The following ZNF445 variants were observed in gnomAD, a reference collection of about 807,000 sequenced individuals.
ZNF445 encodes the protein zinc finger protein 168.
ZNF445 carries 19 observed loss-of-function variants against 93.9 expected under a neutral mutation model. That is an observed-to-expected ratio of 0.20 (90% CI 0.14 to 0.30). The LOEUF (loss-of-function observed/expected upper bound fraction) is 0.30. ZNF445 is among the 10% of genes least tolerant of loss of function. The probability of loss-of-function intolerance (pLI) is 1.00; values close to 1 mark genes in which losing one functional copy is unlikely to be tolerated. For missense variants in ZNF445, 1,058 were observed against 1,259.4 expected (o/e 0.84, Z 2.42); for synonymous variants, 449 against 446.3 (o/e 1.01, Z -0.08).
chr3:44,454,201 AAAAG>A (rs1210312879), intron 3 of ZNF445, among the ~76,000 whole-genome samples: 28 of 148,822 alleles, frequency 1.9e-4, no homozygotes, highest in African/African-American at 6.5e-4. Context: ...CTCAAAAAAA[AAAAG>A]AAAAGAAAAG....
chr3:44,469,786 C>CA (rs764590662), intron 1 of ZNF445, among the ~76,000 whole-genome samples: 1 of 149,470 alleles, frequency 6.7e-6, no homozygotes, highest in Non-Finnish European at 1.5e-5. Context: ...AAAACAAAAA[C>CA]AAAACAAAAC....
intron 1 of ZNF445, among the ~76,000 whole-genome samples, chr3:44,476,151 AAATCTTGAAAATTGCAAAAT>A (rs1698348992): frequency 6.6e-6 from 1 of 152,192 alleles, no homozygotes; most frequent in Non-Finnish European, 1.5e-5. Context: ...TTCTAATACA[AAATCTTGAAAATTGCAAAAT>A]ACAGTGTTAT....
rs750830088 is a variant in ZNF445, at chr3:44,447,516, C to T, written c.2155G>A (p.Ala719Thr). 1 of 1,614,194 alleles carries T rather than the reference C, an allele frequency of 6.2e-7. No individual in the cohort carries two copies. The highest frequency in any genetic ancestry group is 8.5e-7 in the Non-Finnish European group (1 of 1,180,040). Residue 719 changes from alanine to threonine, a missense_variant, in exon 8 of 8, where the codon GCC becomes ACC. Physicochemically the swap from Ala to Thr is moderately conservative, Grantham distance 58. Around this residue, in one of 3 missense-constraint regions of ZNF445, gnomAD observed 387 missense variants for 475.7 expected, o/e 0.81. Coordinates refer to ENST00000396077, the MANE Select transcript of ZNF445 (RefSeq NM_181489.6). This position sits in a 1 kb window ranked among gnomAD's most constrained non-coding sequence, Gnocchi z 4.7. ...YQCSDCGKDF[A>T]YRSAFIVHKK... ...TGAACAATAAAGGCTGACCTATAGG[C>T]AAAGTCCTTCCCACAATCGCTACAC...
chr3:44,469,712 T>A (rs1698239663), intron 1 of ZNF445, among the ~76,000 whole-genome samples: 1 of 151,980 alleles, frequency 6.6e-6, no homozygotes, highest in African/African-American at 2.4e-5. Context: ...GAGGTTGCAG[T>A]GAGCCAAGAT....
At chr3:44,463,138 GA>G (rs1305145761) in intron 1 of ZNF445, among the ~76,000 whole-genome samples, 1 of 152,022 alleles carries the variant, frequency 6.6e-6, no homozygotes, top group Non-Finnish European at 1.5e-5. Flanking sequence ...CCAGGCTCAA[GA>G]GATTCTTCTG....
In ZNF445 at chr3:44,435,893, C is replaced by T. The variant is rs1404287726; in HGVS notation, c.*10682G>A. 2 of 152,206 alleles carry T rather than the reference C, an allele frequency of 1.3e-5. No homozygotes were observed. Among genetic ancestry groups the T allele is most frequent in the African/African-American group, 4.8e-5 (2 of 41,446 alleles). The allele number at this position is 152,206 out of a possible 1,614,324, so 9.4% of individuals were successfully genotyped here. A position where few individuals can be genotyped will look rare whatever the true frequency, so the allele number is the denominator to read the frequency against. ...TGGCATTTTGAGTCTCCTGTAATTA[C>T]TGCTAGTTCAGAACTAGAGGCTGGT... On this transcript the variant is annotated 3_prime_UTR_variant, in exon 8 of 8. Transcript: ENST00000396077.
intron 2 of ZNF445, among the ~76,000 whole-genome samples, chr3:44,458,012 C>CAAAAA (rs549514697): frequency 1.1e-5 from 1 of 94,044 alleles, no homozygotes; most frequent in African/African-American, 4.3e-5. Context: ...GACTCCGTCT[C>CAAAAA]AAAAAAAAAA....
chr3:44,462,683 GA>G (rs35028138), intron 1 of ZNF445, among the ~76,000 whole-genome samples: 2 of 144,768 alleles, frequency 1.4e-5, no homozygotes, highest in Non-Finnish European at 1.5e-5. Context: ...GAAAAAAAAA[GA>G]AAAAAAAAAG....
chr3:44,471,034 CAAAGA>C (rs1418369203), intron 1 of ZNF445, among the ~76,000 whole-genome samples: 1 of 151,508 alleles, frequency 6.6e-6, no homozygotes, highest in Non-Finnish European at 1.5e-5. Flanking sequence ...AAAACAGAAA[CAAAGA>C]AAAGGAGTAG....
At chr3:44,465,422 A>C (rs1698180255) in intron 1 of ZNF445, among the ~76,000 whole-genome samples, 1 of 152,208 alleles carries the variant, frequency 6.6e-6, no homozygotes, top group Non-Finnish European at 1.5e-5. Context: ...GAAATTATTT[A>C]GTTTTCCACA....
In ZNF445 at chr3:44,448,128, A is replaced by G; in HGVS notation, c.1543T>C (p.Cys515Arg). 6.2e-7 allele frequency: 1 copy of G among 1,614,108 alleles called. No homozygotes were observed. The highest frequency in any genetic ancestry group is 8.5e-7 in the Non-Finnish European group (1 of 1,180,036). Reference protein sequence around the residue: ...RLHTQEKAFKCRVCGKAFRWS... With the variant: ...RLHTQEKAFKRRVCGKAFRWS... ...CGGAAGGCTTTCCCACACACCCTAC[A>G]TTTAAATGCTTTCTCTTGAGTGTGA... The change falls in exon 8 of 8, where the codon TGT (cysteine) becomes CGT (arginine). Residue 515 changes from cysteine (C) to arginine (R), a missense_variant. Physicochemically the swap from Cys to Arg is radical, Grantham distance 180. Transcript: ENST00000396077.
intron 1 of ZNF445, among the ~76,000 whole-genome samples, chr3:44,473,907 TA>T (rs975583979): frequency 6.6e-6 from 1 of 152,180 alleles, no homozygotes; most frequent in Non-Finnish European, 1.5e-5. Context: ...GGAGAAGGGA[TA>T]ACTCTTCCTC....
Position 44,446,972 on chromosome 3 carries a change from CACT to C in ZNF445, c.2696_2698del (p.Gln899_Trp900delinsArg). 6.2e-7 allele frequency: 1 copy of C among 1,614,142 alleles called. No individual in the cohort carries two copies. The highest frequency in any genetic ancestry group is 8.5e-7 in the Non-Finnish European group (1 of 1,180,008). Reference sequence around the variant, plus strand: ...TCTCCCAATGAACTCTTTCCCACACCACTGACATTTGAAAGGTCTCTCTGTAGA... The same window carrying C: ...TCTCCCAATGAACTCTTTCCCACACCGACATTTGAAAGGTCTCTCTGTAGA... On this transcript the variant is annotated inframe_deletion, in exon 8 of 8. Transcript: ENST00000396077. This position sits in a 1 kb window ranked among gnomAD's most constrained non-coding sequence, Gnocchi z 4.2.
intron 1 of ZNF445, among the ~76,000 whole-genome samples, chr3:44,469,428 G>GA (rs1698236620): frequency 6.6e-6 from 1 of 152,182 alleles, no homozygotes; most frequent in African/African-American, 2.4e-5. Flanking sequence ...CTGAAATGAA[G>GA]AAAGATAGGA....
At position 44,433,468 on chromosome 3, in the gene ZNF445, G is replaced by A. The variant is rs1274682246; in HGVS notation, c.*13107C>T. 6.6e-6 allele frequency: 1 copy of A among 152,160 alleles called. No individual in the cohort carries two copies. The highest frequency in any genetic ancestry group is 1.5e-5 in the Non-Finnish European group (1 of 68,050). 9.4% of individuals were successfully genotyped at this position (152,160 alleles called of 1,614,324 possible). A position where few individuals can be genotyped will look rare whatever the true frequency, so the allele number is the denominator to read the frequency against. On this transcript the variant is annotated 3_prime_UTR_variant, in exon 8 of 8. Transcript: ENST00000396077. Reference sequence around the variant, plus strand: ...AGATTGAGGATGTGGACATTTTGTTGAGGAAAGAAATAGGACAGACAACTC... The same window carrying A: ...AGATTGAGGATGTGGACATTTTGTTAAGGAAAGAAATAGGACAGACAACTC...
In ZNF445 at chr3:44,437,022, A is replaced by C. The variant is rs1697694873; in HGVS notation, c.*9553T>G. The C allele has an allele frequency of 6.6e-6, 1 of 152,192 alleles. No homozygotes were observed. The highest frequency in any genetic ancestry group is 1.5e-5 in the Non-Finnish European group (1 of 68,044). 9.4% of individuals were successfully genotyped at this position (152,192 alleles called of 1,614,324 possible). On this transcript the variant is annotated 3_prime_UTR_variant, in exon 8 of 8. Coordinates refer to ENST00000396077, the MANE Select transcript of ZNF445 (RefSeq NM_181489.6). ...AAGCAAGTTTATTAAGTAAAGGAATAAAAGAATGGCTACTCCATAGACAGA... is the reference window on the plus strand; with the variant it reads ...AAGCAAGTTTATTAAGTAAAGGAATCAAAGAATGGCTACTCCATAGACAGA...
At chr3:44,473,552 A>C (rs1180541296) in intron 1 of ZNF445, among the ~76,000 whole-genome samples, 1 of 151,984 alleles carries the variant, frequency 6.6e-6, no homozygotes, top group African/African-American at 2.4e-5. Context: ...TTTACCAATT[A>C]AGAAATAAAC....
Position 44,450,493 on chromosome 3 carries a change from C to T in ZNF445, c.774G>A (p.Leu258=), listed in dbSNP as rs1441218320. Residue 258 remains leucine (L), a synonymous_variant, in exon 6 of 8, where the codon CTG becomes CTA. Coordinates refer to ENST00000396077, the MANE Select transcript of ZNF445 (RefSeq NM_181489.6). ...WGWLDSAQRN[L]YRDVMLENYR... ...AATTCTCCAGCATCACATCCCTGTA[C>T]AGGTTCCTCTGAGCAGAGTCCAGCC... 1 of 1,614,200 alleles carries T rather than the reference C, an allele frequency of 6.2e-7. No individual in the cohort carries two copies. Among genetic ancestry groups the T allele is most frequent in the South Asian group, 1.1e-5 (1 of 91,084 alleles).
intron 1 of ZNF445, among the ~76,000 whole-genome samples, chr3:44,461,475 C>T (rs1698113791): frequency 6.6e-6 from 1 of 152,160 alleles, no homozygotes; most frequent in African/African-American, 2.4e-5. Flanking sequence ...TGATGGAAGT[C>T]CAGCAGGCCT....
Sources: allele counts gnomAD v4.1 joint callset (sites outside exome capture counted in the v4.1 genomes callset), GRCh38; gene constraint gnomAD v4.1.1; regional missense constraint gnomAD v4.1.1; non-coding constraint Gnocchi (gnomAD v3.1); transcripts MANE v1.5; gene names NCBI Gene and HGNC (gene_info 2026-07-23, HGNC 2026-07-21).